APOOL: variants seen among roughly 807,000 people sequenced by gnomAD.
APOOL encodes apolipoprotein O like.
Under a neutral mutation model 23.1 loss-of-function variants are expected in APOOL, and 12 were observed. The ratio of observed to expected loss-of-function variants is 0.52; its 90% CI spans 0.33 to 0.84. The LOEUF (loss-of-function observed/expected upper bound fraction) is 0.84, where lower values mean the gene tolerates loss of function less well. APOOL is among the 40% of genes least tolerant of loss of function. The probability of loss-of-function intolerance (pLI) is 0.02; values close to 1 mark genes in which losing one functional copy is unlikely to be tolerated. For synonymous variants in APOOL, 77 were observed against 69.9 expected (o/e 1.10, Z -0.51); for missense variants, 212 against 199.6 (o/e 1.06, Z -0.37).
chrX:85,015,820 G>A (rs779242922), intron 1 of APOOL, among the ~76,000 whole-genome samples: 87 of 111,185 alleles, frequency 7.8e-4, no homozygotes, highest in Non-Finnish European at 1.0e-3. Context: ...CACCCGCCTC[G>A]GCCTCCCAAA....
At position 85,075,938 on chromosome X, in the gene APOOL, TTC is replaced by T. The variant is rs1363173638; in HGVS notation, c.718+1550_718+1551del. Among the ~76,000 whole-genome samples, 7 of 111,701 alleles carry T rather than the reference TTC, an allele frequency of 6.3e-5. 1 individual carries two copies. The Admixed American group carries it at 6.7e-4, about 11-fold the overall frequency. On this transcript the variant is annotated intron_variant, in intron 8 of 8. Transcript: ENST00000373173. ...TGGCTTATAAACAACAGAAATTTAT[TTC>T]TCACAGTTCTAGAGACTGAAATTCT...
At chrX:85,063,497 G>A (rs1015275917) in intron 5 of APOOL, among the ~76,000 whole-genome samples, 2 of 111,203 alleles carry the variant, frequency 1.8e-5, no homozygotes, top group African/African-American at 6.5e-5. Flanking sequence ...ATTGGCTGTG[G>A]GTTTGTCATA....
chrX:85,078,332 T>C (rs1289780990), intron 8 of APOOL, among the ~76,000 whole-genome samples: 2 of 111,851 alleles, frequency 1.8e-5, no homozygotes, highest in Non-Finnish European at 3.8e-5. Flanking sequence ...CCCAGCACCA[T>C]TTATTAAATA....
At chrX:85,036,098 C>T (rs920143937) in intron 1 of APOOL, among the ~76,000 whole-genome samples, 1 of 112,219 alleles carries the variant, frequency 8.9e-6, no homozygotes, top group Non-Finnish European at 1.9e-5. Flanking sequence ...ATTGATTCTT[C>T]CTATCCATGA....
chrX:85,093,125 G>A lies in APOOL; in HGVS notation c.*5447G>A. ...AGATTAATGATTTAATTTATGCCCT[G>A]TGAATATTTATTAAGAAAAGGTTAA... On this transcript the variant is annotated 3_prime_UTR_variant, in exon 9 of 9. Transcript: ENST00000373173. The A allele has an allele frequency of 1.9e-6, 2 of 1,043,134 alleles. No individual in the cohort carries two copies. The highest frequency in any genetic ancestry group is 2.6e-6 in the Non-Finnish European group (2 of 772,123). 86.0% of individuals were successfully genotyped at this position (1,043,134 alleles called of 1,213,427 possible).
chrX:85,029,187 C>T (rs768996351), intron 1 of APOOL, among the ~76,000 whole-genome samples: 1 of 111,456 alleles, frequency 9.0e-6, no homozygotes, highest in South Asian at 3.7e-4. Context: ...CACATCCTTG[C>T]CAGCATTTAT....
In APOOL at chrX:85,092,558, C is replaced by G; in HGVS notation, c.*4880C>G. 1 of 1,201,297 alleles carries G rather than the reference C, an allele frequency of 8.3e-7. No individual in the cohort carries two copies. Among genetic ancestry groups the G allele is most frequent in the Admixed American group, 2.2e-5 (1 of 44,536 alleles). On this transcript the variant is annotated 3_prime_UTR_variant, in exon 9 of 9. Coordinates refer to ENST00000373173, the MANE Select transcript of APOOL (RefSeq NM_198450.6). Reference sequence around the variant, plus strand: ...ATGCAGTTACATTGAGTTGTGATGGCTATCTGTTTAAAAACAAACAAGCAA... The same window carrying G: ...ATGCAGTTACATTGAGTTGTGATGGGTATCTGTTTAAAAACAAACAAGCAA...
Position 85,088,237 on chromosome X carries a change from A to ATGTATAAATACGT in APOOL, c.*559_*560insTGTATAAATACGT, listed in dbSNP as rs1569462455. ...AAATACATACATATTTATACATATAAACATATATTTCTGCTCTAGCTTTCC... is the reference window on the plus strand; with the variant it reads ...AAATACATACATATTTATACATATAATGTATAAATACGTACATATATTTCTGCTCTAGCTTTCC... On this transcript the variant is annotated 3_prime_UTR_variant, in exon 9 of 9. Transcript: ENST00000373173. The ATGTATAAATACGT allele has an allele frequency of 7.8e-5, 4 of 51,255 alleles. No individual in the cohort carries two copies. The highest frequency in any genetic ancestry group is 2.1e-4 in the Admixed American group (1 of 4,812). 4.2% of individuals were successfully genotyped at this position (51,255 alleles called of 1,213,427 possible).
At chrX:85,018,172 T>A (rs1602741994) in intron 1 of APOOL, among the ~76,000 whole-genome samples, 1 of 112,566 alleles carries the variant, frequency 8.9e-6, no homozygotes, top group East Asian at 2.8e-4. Flanking sequence ...TATAAAGGAA[T>A]ACCTGAAGCT....
intron 1 of APOOL, among the ~76,000 whole-genome samples, chrX:85,021,819 T>G (rs978867000): frequency 3.6e-5 from 4 of 110,689 alleles, no homozygotes; most frequent in African/African-American, 1.3e-4. Context: ...AAAGTAAGAG[T>G]TGATTTTTGC....
At chrX:85,044,252 T>A (rs190611106) in intron 1 of APOOL, among the ~76,000 whole-genome samples, 153 of 77,514 alleles carry the variant, frequency 2.0e-3, no homozygotes, top group African/African-American at 6.1e-3. Flanking sequence ...AAGCTCATAT[T>A]TATGTGTGTG....
chrX:85,009,848 T>A (rs1921217333), intron 1 of APOOL, among the ~76,000 whole-genome samples: 1 of 110,867 alleles, frequency 9.0e-6, no homozygotes, highest in Non-Finnish European at 1.9e-5. Context: ...TAAGTTCTCA[T>A]CATTTAAGTT....
At chrX:85,005,691 C>T (rs181228869) in intron 1 of APOOL, among the ~76,000 whole-genome samples, 3 of 111,556 alleles carry the variant, frequency 2.7e-5, no homozygotes, top group Admixed American at 9.5e-5. Flanking sequence ...AAGTGCCAGG[C>T]AATGAGGACA....
intron 1 of APOOL, among the ~76,000 whole-genome samples, chrX:85,043,462 C>T (rs1343358889): frequency 9.2e-6 from 1 of 108,892 alleles, no homozygotes; most frequent in Non-Finnish European, 1.9e-5. Flanking sequence ...GGCTTTGCAG[C>T]ATGCATAAGA....
intron 1 of APOOL, chrX:85,046,168 C>T: frequency 4.9e-6 from 1 of 202,988 alleles, no homozygotes; most frequent in Non-Finnish European, 8.9e-6. Context: ...TATTACATTG[C>T]TATATTATTA....
chrX:85,065,769 G>C (rs1244993239), intron 5 of APOOL, among the ~76,000 whole-genome samples: 1 of 110,851 alleles, frequency 9.0e-6, no homozygotes, highest in African/African-American at 3.3e-5. Flanking sequence ...GGGGAATTTG[G>C]TTAAGTCAAG....
rs1302030585 is a variant in APOOL at position 85,060,681 on chromosome X, G to C, written c.394+4756G>C. Among the ~76,000 whole-genome samples the C allele has an allele frequency of 1.5e-3, 169 of 111,077 alleles. 1 individual carries two copies. Among genetic ancestry groups the C allele is most frequent in the African/African-American group, 5.2e-3 (159 of 30,588 alleles). On this transcript the variant is annotated intron_variant, in intron 5 of 8. Coordinates refer to ENST00000373173, the MANE Select transcript of APOOL (RefSeq NM_198450.6). ...TCACTCATGATTTGGCTCTCTGTTT[G>C]TCTGTTATTGGTGTATAAGAATGCT...
At position 85,054,328 on chromosome X, in the gene APOOL, C is replaced by CTTTTTT; in HGVS notation, c.241-12_241-7dup. 1 of 1,138,147 alleles carries CTTTTTT rather than the reference C, an allele frequency of 8.8e-7. No individual in the cohort carries two copies. Among genetic ancestry groups the CTTTTTT allele is most frequent in the Non-Finnish European group, 1.2e-6 (1 of 850,508 alleles). The allele number at this position is 1,138,147 out of a possible 1,213,427, so 93.8% of individuals were successfully genotyped here. ...TCAAAAATGCAGATGTCTTCCCCCCCTTTTTTTTTGCTTAGGGTGTTTATG... is the reference window on the plus strand; with the variant it reads ...TCAAAAATGCAGATGTCTTCCCCCCCTTTTTTTTTTTTTTTGCTTAGGGTGTTTATG... On this transcript the variant is annotated splice_polypyrimidine_tract_variant and intron_variant, in intron 3 of 8. Transcript: ENST00000373173.
intron 1 of APOOL, among the ~76,000 whole-genome samples, chrX:85,040,968 T>C (rs1183172790): frequency 8.9e-6 from 1 of 112,186 alleles, no homozygotes; most frequent in Non-Finnish European, 1.9e-5. Context: ...GCTTTTCCAG[T>C]TGCCCGAGTT....
Sources: allele counts gnomAD v4.1 joint callset (sites outside exome capture counted in the v4.1 genomes callset), GRCh38; gene constraint gnomAD v4.1.1; transcripts MANE v1.5; gene names NCBI Gene and HGNC (gene_info 2026-07-23, HGNC 2026-07-21).